The following PIBF1 variants were observed in gnomAD, a reference collection of about 807,000 sequenced individuals.
The protein encoded by PIBF1 is progesterone immunomodulatory binding factor 1.
A neutral mutation model predicts 112.5 loss-of-function variants in PIBF1; 90 were observed. The observed-to-expected ratio is 0.80, with a 90% CI of 0.67 to 0.95. The LOEUF is 0.95. Among genes scored for constraint, PIBF1 ranks in the 40% least tolerant of loss-of-function variants. The pLI is 0.00. For synonymous variants in PIBF1, 301 were observed against 288.6 expected, an observed-to-expected ratio of 1.04 and a Z score of -0.44; for missense variants, 915 against 852.3, an observed-to-expected ratio of 1.07 and a Z score of -0.92.
At chr13:72,896,882 A>C (rs558865447) in intron 11 of PIBF1, among the ~76,000 whole-genome samples, 1 of 152,318 alleles carries the variant, frequency 6.6e-6, no homozygotes, top group South Asian at 2.1e-4. Flanking sequence ...ATTTGGGGGA[A>C]TAATTGAGGA....
At chr13:72,832,072 C>T (rs9543136) in intron 8 of PIBF1, among the ~76,000 whole-genome samples, 20,719 of 42,792 alleles carry the variant, frequency 0.48, 5,056 homozygotes, top group East Asian at 0.63. Context: ...CAATTCCGGC[C>T]TTTTTTTTTT....
chr13:72,831,142 T>C (rs1242582899), intron 8 of PIBF1, among the ~76,000 whole-genome samples: 2 of 152,276 alleles, frequency 1.3e-5, no homozygotes, highest in East Asian at 3.9e-4. Flanking sequence ...TTGTGTCTGT[T>C]TGGTTCTTCC....
At chr13:72,958,587 C>T (rs1566490818) in intron 14 of PIBF1, among the ~76,000 whole-genome samples, 1 of 152,110 alleles carries the variant, frequency 6.6e-6, no homozygotes, top group South Asian at 2.1e-4. Context: ...CACTAAGATC[C>T]CACTGTCCGT....
At chr13:72,995,538 TGGTCTCTTCA>T (rs1566530659) in intron 16 of PIBF1, among the ~76,000 whole-genome samples, 2 of 151,942 alleles carry the variant, frequency 1.3e-5, no homozygotes, top group East Asian at 3.9e-4. Flanking sequence ...GGGGAAAAAA[TGGTCTCTTCA>T]GTACATGATG....
intron 3 of PIBF1, among the ~76,000 whole-genome samples, chr13:72,793,371 C>T (rs985412589): frequency 1.3e-5 from 2 of 152,110 alleles, no homozygotes; most frequent in Non-Finnish European, 2.9e-5. Flanking sequence ...GCCACTATCA[C>T]ACTAGATTAG....
chr13:72,998,012 A>G (rs187151047), intron 16 of PIBF1, among the ~76,000 whole-genome samples: 64 of 152,320 alleles, frequency 4.2e-4, no homozygotes, highest in Non-Finnish European at 7.8e-4. Context: ...GGGCAACTGA[A>G]GCCAACCCCA....
At chr13:72,920,473 G>A (rs2041249602) in intron 13 of PIBF1, among the ~76,000 whole-genome samples, 1 of 152,216 alleles carries the variant, frequency 6.6e-6, no homozygotes, top group Admixed American at 6.5e-5. Flanking sequence ...TCCCAGGTTA[G>A]GGTCTGATAC....
At chr13:72,837,852 G>A (rs982411671) in intron 9 of PIBF1, among the ~76,000 whole-genome samples, 2 of 152,072 alleles carry the variant, frequency 1.3e-5, no homozygotes, top group Non-Finnish European at 2.9e-5. Context: ...TTTGCACTTA[G>A]TTGTCCCTTC....
At chr13:72,996,067 T>A (rs1360051300) in intron 16 of PIBF1, among the ~76,000 whole-genome samples, 1 of 87,240 alleles carries the variant, frequency 1.1e-5, no homozygotes, top group African/African-American at 4.4e-5. Flanking sequence ...CAAATGTTCT[T>A]CATAACAAAA....
rs569972578 is a variant in PIBF1, at chr13:72,795,654, T to TA, written c.552+98dup. 215 of 735,390 alleles carry TA rather than the reference T, an allele frequency of 2.9e-4. 1 individual carries two copies. The African/African-American group carries it at 3.2e-3, about 11-fold the overall frequency. 45.6% of individuals were successfully genotyped at this position (735,390 alleles called of 1,614,324 possible). A position where few individuals can be genotyped will look rare whatever the true frequency, so the allele number is the denominator to read the frequency against. ...AATTACTTTTGAAGTACCCAATTGA[T>TA]ACATTATTTTATGGCTATGGATGGT... On this transcript the variant is annotated intron_variant, in intron 4 of 17. Coordinates refer to ENST00000326291, the MANE Select transcript of PIBF1 (RefSeq NM_006346.4).
chr13:72,967,159 C>T (rs1453886887), intron 15 of PIBF1, among the ~76,000 whole-genome samples: 4 of 152,016 alleles, frequency 2.6e-5, no homozygotes, highest in Admixed American at 2.6e-4. Context: ...TGGTCTTGAA[C>T]TCCTGACCTC....
At chr13:72,956,386 C>G (rs1404101668) in intron 14 of PIBF1, among the ~76,000 whole-genome samples, 1 of 152,036 alleles carries the variant, frequency 6.6e-6, no homozygotes, top group East Asian at 1.9e-4. Flanking sequence ...CACTGACACA[C>G]ATACATACAT....
intron 13 of PIBF1, among the ~76,000 whole-genome samples, chr13:72,927,986 TATACAC>T (rs374811173): frequency 1.5e-4 from 9 of 60,436 alleles, no homozygotes; most frequent in Admixed American, 4.0e-4. Context: ...TACATATATA[TATACAC>T]ACACATATAT....
intron 10 of PIBF1, among the ~76,000 whole-genome samples, chr13:72,861,505 G>A (rs142915487): frequency 6.6e-6 from 1 of 152,040 alleles, no homozygotes; most frequent in Non-Finnish European, 1.5e-5. Flanking sequence ...GTCATATTGG[G>A]CTAGTTTAAA....
intron 10 of PIBF1, among the ~76,000 whole-genome samples, chr13:72,892,808 ACGCACACG>A (rs1403623850): frequency 4.0e-5 from 6 of 149,640 alleles, no homozygotes; most frequent in South Asian, 4.2e-4. Flanking sequence ...ACACACACAC[ACGCACACG>A]CACACACACC....
At chr13:72,997,648 T>A (rs2139023907) in intron 16 of PIBF1, among the ~76,000 whole-genome samples, 1 of 152,314 alleles carries the variant, frequency 6.6e-6, no homozygotes, top group African/African-American at 2.4e-5. Context: ...GAACTTGCTG[T>A]GACACAGAGC....
intron 2 of PIBF1, 91 bp from the exon 3 acceptor site, chr13:72,792,356 T>C: frequency 1.3e-6 from 1 of 794,792 alleles, no homozygotes; most frequent in Non-Finnish European, 2.0e-6. Flanking sequence ...TTAGCCTGTT[T>C]CTTTCAAGTG....
intron 17 of PIBF1, among the ~76,000 whole-genome samples, chr13:73,014,837 G>T (rs149698808): frequency 6.6e-6 from 1 of 152,230 alleles, no homozygotes; most frequent in East Asian, 1.9e-4. Flanking sequence ...CACTCAGACT[G>T]GAGTGCAATA....
chr13:72,903,396 C>T (rs2040575483), intron 11 of PIBF1, among the ~76,000 whole-genome samples: 1 of 152,142 alleles, frequency 6.6e-6, no homozygotes. Context: ...AAGCACTGTG[C>T]TGGGCCCAGT....
Sources: allele counts gnomAD v4.1 joint callset (sites outside exome capture counted in the v4.1 genomes callset), GRCh38; gene constraint gnomAD v4.1.1; transcripts MANE v1.5; gene names NCBI Gene and HGNC (gene_info 2026-07-23, HGNC 2026-07-21).